Variants in PIEZO2 observed in about 807,000 individuals in gnomAD.
PIEZO2 encodes the protein piezo-type mechanosensitive ion channel component 2.
In PIEZO2, 172 loss-of-function variants were observed where a neutral mutation model predicts 337.3. The ratio of observed to expected loss-of-function variants is 0.51; its 90% CI spans 0.45 to 0.58. The LOEUF (loss-of-function observed/expected upper bound fraction) is 0.58, where lower values mean the gene tolerates loss of function less well. Among genes scored for constraint, PIEZO2 ranks in the 20% least tolerant of loss-of-function variants. The pLI is 0.00. For missense variants in PIEZO2, 3,028 were observed against 3,391.3 expected, an observed-to-expected ratio of 0.89 and a Z score of 2.66; for synonymous variants, 1,251 against 1,228.5, an observed-to-expected ratio of 1.02 and a Z score of -0.38.
chr18:10,794,499 AT>A lies in PIEZO2; in HGVS notation c.1758+272del, dbSNP rs2039510651. On this transcript the variant is annotated intron_variant, in intron 13 of 55. Transcript: ENST00000674853. The surrounding 1 kb of genome is among the most constrained non-coding windows in gnomAD (Gnocchi z 6.6). ...CACACCTAATTTTTACTCTAGTAGG[AT>A]TTATACTTAAAAACATTTATACAAG... Among the ~76,000 whole-genome samples, 1 of 152,204 alleles carries A rather than the reference AT, an allele frequency of 6.6e-6. No individual in the cohort carries two copies. Among genetic ancestry groups the A allele is most frequent in the Non-Finnish European group, 1.5e-5 (1 of 68,036 alleles).
intron 7 of PIEZO2, among the ~76,000 whole-genome samples, chr18:10,840,431 G>T (rs2041155314): frequency 6.6e-6 from 1 of 152,126 alleles, no homozygotes; most frequent in African/African-American, 2.4e-5. Flanking sequence ...GAGAATGAAC[G>T]TTAGAGCTGG....
intron 36 of PIEZO2, among the ~76,000 whole-genome samples, chr18:10,720,654 G>T (rs1050269539): frequency 1.3e-5 from 2 of 150,988 alleles, no homozygotes; most frequent in Non-Finnish European, 2.9e-5. Context: ...GATGTTGCTC[G>T]GGCTGGTCTC....
At position 11,143,623 on chromosome 18, in the gene PIEZO2, ACACACACACACACACACTCT is replaced by A. The variant is rs745363420; in HGVS notation, c.64+4882_64+4901del. ...CTAACACACACACACACACACACAC[ACACACACACACACACACTCT>A]CTCTCTCTCTCTCTCTCTCTCTCTC... On this transcript the variant is annotated intron_variant, in intron 1 of 55. Coordinates refer to ENST00000674853, the MANE Select transcript of PIEZO2 (RefSeq NM_001378183.1). The surrounding 1 kb of genome is among the most constrained non-coding windows in gnomAD (Gnocchi z 4.9). Among the ~76,000 whole-genome samples the A allele has an allele frequency of 2.8e-5, 4 of 142,980 alleles. No individual in the cohort carries two copies. The highest frequency in any genetic ancestry group is 5.6e-5 in the African/African-American group (2 of 35,426). The allele number at this position is 142,980 out of a possible 152,430, so 93.8% of individuals were successfully genotyped here.
intron 7 of PIEZO2, among the ~76,000 whole-genome samples, chr18:10,809,511 G>C (rs927750438): frequency 6.6e-5 from 10 of 151,006 alleles, no homozygotes; most frequent in Non-Finnish European, 1.2e-4. Context: ...CTCGTGATCC[G>C]CCCACCTTGG....
intron 36 of PIEZO2, among the ~76,000 whole-genome samples, chr18:10,720,444 TA>T: frequency 2.5e-5 from 1 of 40,038 alleles, no homozygotes; most frequent in Non-Finnish European, 3.9e-5. Flanking sequence ...TATATATATA[TA>T]TATATATATA....
chr18:10,943,152 A>T lies in PIEZO2; in HGVS notation c.287-31924T>A, dbSNP rs2032815341. 6.6e-6 allele frequency among the ~76,000 whole-genome samples: 1 copy of T among 152,210 alleles called. No homozygotes were observed. The highest frequency in any genetic ancestry group is 6.5e-5 in the Admixed American group (1 of 15,270). On this transcript the variant is annotated intron_variant, in intron 3 of 55. Coordinates refer to ENST00000674853, the MANE Select transcript of PIEZO2 (RefSeq NM_001378183.1). The surrounding 1 kb of genome is among the most constrained non-coding windows in gnomAD (Gnocchi z 4.5). ...CTCTGCTAGGGCAGTGAGGAAGGGAAATGTGGAGTCAGAGCCATGACGCAC... is the reference window on the plus strand; with the variant it reads ...CTCTGCTAGGGCAGTGAGGAAGGGATATGTGGAGTCAGAGCCATGACGCAC...
intron 3 of PIEZO2, among the ~76,000 whole-genome samples, chr18:10,960,204 T>C (rs264191): frequency 0.51 from 77,939 of 151,978 alleles, 20,317 homozygotes; most frequent in African/African-American, 0.57. Flanking sequence ...TAATTATTAA[T>C]ATTGGTTTTA....
rs12959566 is a variant in PIEZO2 at position 10,969,328 on chromosome 18, C to A, written c.286+10207G>T. Among the ~76,000 whole-genome samples, 1,403 of 152,240 alleles carry A rather than the reference C, an allele frequency of 9.2e-3. 15 individuals are homozygous for A. The highest frequency in any genetic ancestry group is 0.015 in the Non-Finnish European group (1,002 of 68,008). On this transcript the variant is annotated intron_variant, in intron 3 of 55. Coordinates refer to ENST00000674853, the MANE Select transcript of PIEZO2 (RefSeq NM_001378183.1). This position sits in a 1 kb window ranked among gnomAD's most constrained non-coding sequence, Gnocchi z 4.5. ...TAAGCAAACCAAATCAATCCCAAATCATTTTAAACTTCCTGCTCTGTGATT... is the reference window on the plus strand; with the variant it reads ...TAAGCAAACCAAATCAATCCCAAATAATTTTAAACTTCCTGCTCTGTGATT...
chr18:10,925,812 C>T (rs2031696472), intron 3 of PIEZO2, among the ~76,000 whole-genome samples: 1 of 152,196 alleles, frequency 6.6e-6, no homozygotes. Context: ...TCGTGATCTG[C>T]CCGCCTCAGC....
At chr18:10,921,883 A>G (rs1005002585) in intron 3 of PIEZO2, among the ~76,000 whole-genome samples, 26 of 152,182 alleles carry the variant, frequency 1.7e-4, no homozygotes, top group African/African-American at 4.3e-4. Flanking sequence ...GGATGAAATA[A>G]ACCCCAGTCT....
intron 3 of PIEZO2, among the ~76,000 whole-genome samples, chr18:10,972,208 A>C: frequency 6.6e-6 from 1 of 151,672 alleles, no homozygotes. Flanking sequence ...GAGAGATAAT[A>C]GCAGCAGAGT....
chr18:10,944,542 A>G (rs1033657982), intron 3 of PIEZO2, among the ~76,000 whole-genome samples: 1 of 140,878 alleles, frequency 7.1e-6, no homozygotes, highest in African/African-American at 2.7e-5. Flanking sequence ...ATATATATAT[A>G]TATCTTAGTA....
chr18:11,104,575 G>A lies in PIEZO2; in HGVS notation c.65-38353C>T, dbSNP rs977644355. ...AAGTCCTGCCCAAGCAGACTGGCTA[G>A]AAGGGCTGCCACATGGTCAGCCACA... On this transcript the variant is annotated intron_variant, in intron 1 of 55. Transcript: ENST00000674853. This position sits in a 1 kb window ranked among gnomAD's most constrained non-coding sequence, Gnocchi z 4.6. Among the ~76,000 whole-genome samples the A allele has an allele frequency of 3.3e-5, 5 of 152,190 alleles. No individual in the cohort carries two copies. Among genetic ancestry groups the A allele is most frequent in the South Asian group, 4.1e-4 (2 of 4,828 alleles).
intron 1 of PIEZO2, among the ~76,000 whole-genome samples, chr18:11,076,237 AAGAG>A (rs755222683): frequency 2.6e-5 from 4 of 152,246 alleles, no homozygotes; most frequent in Non-Finnish European, 4.4e-5. Flanking sequence ...CACTTCAAGA[AAGAG>A]AAACACAGAA....
At chr18:10,889,185 T>C (rs2042688624) in intron 4 of PIEZO2, among the ~76,000 whole-genome samples, 1 of 152,230 alleles carries the variant, frequency 6.6e-6, no homozygotes, top group Admixed American at 6.5e-5. Context: ...CTTCTAGGTT[T>C]CAAATTCGGC....
intron 2 of PIEZO2, among the ~76,000 whole-genome samples, chr18:11,052,989 G>A (rs2037585563): frequency 6.6e-6 from 1 of 152,254 alleles, no homozygotes; most frequent in African/African-American, 2.4e-5. Context: ...TGTCGTCAAG[G>A]GCATGAGTCA....
rs546580019 is a variant in PIEZO2 at position 10,842,046 on chromosome 18, C to T, written c.917+13307G>A. Reference sequence around the variant, plus strand: ...CGGTGTGCGCCTGTAGTCCCAGGTACTCTGAGGCAGGAGAATTGTCTGCAC... The same window carrying T: ...CGGTGTGCGCCTGTAGTCCCAGGTATTCTGAGGCAGGAGAATTGTCTGCAC... On this transcript the variant is annotated intron_variant, in intron 7 of 55. Transcript: ENST00000674853. Among the ~76,000 whole-genome samples, 19 of 151,610 alleles carry T rather than the reference C, an allele frequency of 1.3e-4. No individual in the cohort carries two copies. The East Asian group carries it at 3.7e-3, about 30-fold the overall frequency.
chr18:10,886,380 GTATATATATATA>G (rs1173330460), intron 4 of PIEZO2, among the ~76,000 whole-genome samples: 1 of 3,036 alleles, frequency 3.3e-4, no homozygotes, highest in Non-Finnish European at 4.3e-4. Flanking sequence ...GTGTGTGTGT[GTATATATATATA>G]TATATATATA....
chr18:11,066,242 A>G lies in PIEZO2; in HGVS notation c.65-20T>C, dbSNP rs2038145888. The stretch of plus-strand genomic sequence containing the variant: ...CACATGCTGTGGGTGGGAAGAGAGA[A>G]GAGAGTGAGAAGATCATTAACAAAG... On this transcript the variant is annotated intron_variant, in intron 1 of 55. Coordinates refer to ENST00000674853, the MANE Select transcript of PIEZO2 (RefSeq NM_001378183.1). 6.6e-7 allele frequency: 1 copy of G among 1,519,684 alleles called. No individual in the cohort carries two copies. Among genetic ancestry groups the G allele is most frequent in the Non-Finnish European group, 8.8e-7 (1 of 1,131,798 alleles). 94.1% of individuals were successfully genotyped at this position (1,519,684 alleles called of 1,614,324 possible). A position where few individuals can be genotyped will look rare whatever the true frequency, so the allele number is the denominator to read the frequency against.
Sources: allele counts gnomAD v4.1 joint callset (sites outside exome capture counted in the v4.1 genomes callset), GRCh38; gene constraint gnomAD v4.1.1; non-coding constraint Gnocchi (gnomAD v3.1); transcripts MANE v1.5; gene names NCBI Gene and HGNC (gene_info 2026-07-23, HGNC 2026-07-21).